The following CNTNAP2 variants were observed in gnomAD, a reference collection of about 807,000 sequenced individuals.
CNTNAP2 encodes contactin associated protein 2, also known as contactin-associated protein-like 2.
A neutral mutation model predicts 155.2 loss-of-function variants in CNTNAP2; 98 were observed. The observed-to-expected ratio is 0.63, with a 90% CI of 0.54 to 0.75. CNTNAP2 has a LOEUF of 0.75. Among genes scored for constraint, CNTNAP2 ranks in the 30% least tolerant of loss-of-function variants. CNTNAP2 has a pLI of 0.00. For synonymous variants in CNTNAP2, 651 were observed against 631.2 expected (o/e 1.03, Z -0.47); for missense variants, 1,727 against 1,688.1 (o/e 1.02, Z -0.40).
At chr7:147,322,223 CA>C (rs1171023680) in intron 9 of CNTNAP2, among the ~76,000 whole-genome samples, 2 of 152,124 alleles carry the variant, frequency 1.3e-5, no homozygotes, top group Non-Finnish European at 2.9e-5. Flanking sequence ...TTGGCTGGAA[CA>C]TATTAATGTG....
intron 8 of CNTNAP2, among the ~76,000 whole-genome samples, chr7:147,242,005 T>C (rs547740239): frequency 5.3e-4 from 80 of 152,346 alleles, no homozygotes; most frequent in Admixed American, 3.1e-3. Flanking sequence ...ATGTTCACTT[T>C]TATTTCTTCG....
intron 16 of CNTNAP2, among the ~76,000 whole-genome samples, chr7:148,130,079 G>A (rs1804799567): frequency 1.3e-5 from 2 of 152,130 alleles, no homozygotes; most frequent in African/African-American, 2.4e-5. Flanking sequence ...TCAACATATC[G>A]AAACTGAAAT....
At chr7:146,881,847 T>C (rs1294175183) in intron 3 of CNTNAP2, among the ~76,000 whole-genome samples, 1 of 151,394 alleles carries the variant, frequency 6.6e-6, no homozygotes, top group Non-Finnish European at 1.5e-5. Context: ...GGGATACATA[T>C]GCAGCTTTGC....
intron 2 of CNTNAP2, among the ~76,000 whole-genome samples, chr7:146,821,482 G>A (rs1201382940): frequency 1.3e-5 from 2 of 152,088 alleles, no homozygotes; most frequent in African/African-American, 4.8e-5. Context: ...TAAGAATGTT[G>A]AATGTTGGAG....
chr7:146,394,563 G>A (rs1485485549), intron 1 of CNTNAP2, among the ~76,000 whole-genome samples: 2 of 152,062 alleles, frequency 1.3e-5, no homozygotes, highest in African/African-American at 4.8e-5. Flanking sequence ...TTCATGACAG[G>A]TTAAGTGAAC....
chr7:146,325,133 G>A (rs1801075236), intron 1 of CNTNAP2, among the ~76,000 whole-genome samples: 1 of 151,826 alleles, frequency 6.6e-6, no homozygotes, highest in African/African-American at 2.4e-5. Context: ...GCCTCACTCT[G>A]TTGCCCAGGC....
chr7:147,810,338 C>A (rs1798160327), intron 13 of CNTNAP2, among the ~76,000 whole-genome samples: 1 of 151,830 alleles, frequency 6.6e-6, no homozygotes, highest in Non-Finnish European at 1.5e-5. Context: ...GATTTACATT[C>A]TCTGTGATCT....
chr7:147,230,339 C>A (rs1313956612), intron 8 of CNTNAP2, among the ~76,000 whole-genome samples: 1 of 152,078 alleles, frequency 6.6e-6, no homozygotes, highest in Non-Finnish European at 1.5e-5. Flanking sequence ...CTCACTGCAA[C>A]CTCCGCCTCC....
chr7:146,522,118 C>A (rs1041316799), intron 1 of CNTNAP2, among the ~76,000 whole-genome samples: 8 of 151,902 alleles, frequency 5.3e-5, no homozygotes, highest in African/African-American at 1.7e-4. Flanking sequence ...CTTTAAAGAT[C>A]GTCATTCTTC....
intron 21 of CNTNAP2, among the ~76,000 whole-genome samples, chr7:148,330,429 C>T (rs938851971): frequency 3.1e-5 from 4 of 128,622 alleles, no homozygotes; most frequent in East Asian, 2.6e-4. Context: ...ATGGAGTGGA[C>T]GGATGGAGCA....
chr7:147,394,671 A>G (rs1470610245), intron 9 of CNTNAP2, among the ~76,000 whole-genome samples: 1 of 151,908 alleles, frequency 6.6e-6, no homozygotes, highest in African/African-American at 2.4e-5. Context: ...TTTCTATCCA[A>G]TTATGCATGT....
At chr7:147,708,282 T>C (rs1487623381) in intron 13 of CNTNAP2, among the ~76,000 whole-genome samples, 1 of 152,116 alleles carries the variant, frequency 6.6e-6, no homozygotes. Flanking sequence ...CACATGAAAA[T>C]GCATGGCAGC....
chr7:147,296,066 C>G (rs1805436437), intron 8 of CNTNAP2, among the ~76,000 whole-genome samples: 1 of 152,134 alleles, frequency 6.6e-6, no homozygotes, highest in Non-Finnish European at 1.5e-5. Flanking sequence ...GTGGAATTCT[C>G]TGAAAGGCTT....
intron 13 of CNTNAP2, among the ~76,000 whole-genome samples, chr7:147,674,992 A>G (rs1315567509): frequency 3.9e-5 from 6 of 152,116 alleles, no homozygotes; most frequent in Non-Finnish European, 8.8e-5. Flanking sequence ...TTGCCAAAAC[A>G]AATCACCACA....
intron 1 of CNTNAP2, among the ~76,000 whole-genome samples, chr7:146,368,622 T>G (rs2129102292): frequency 6.6e-6 from 1 of 152,290 alleles, no homozygotes; most frequent in Middle Eastern, 3.4e-3. Flanking sequence ...CTTGATAAGC[T>G]GTATGAACCT....
intron 17 of CNTNAP2, among the ~76,000 whole-genome samples, chr7:148,166,371 T>C (rs1324259570): frequency 6.6e-6 from 1 of 152,144 alleles, no homozygotes; most frequent in African/African-American, 2.4e-5. Flanking sequence ...AATTAGATTT[T>C]ATGTGTGTGG....
intron 21 of CNTNAP2, among the ~76,000 whole-genome samples, chr7:148,332,870 C>CA (rs1302245274): frequency 2.0e-5 from 3 of 151,914 alleles, no homozygotes; most frequent in Non-Finnish European, 4.4e-5. Context: ...TATAAATCTG[C>CA]AAAAAAAGAA....
intron 11 of CNTNAP2, among the ~76,000 whole-genome samples, chr7:147,501,953 A>G (rs1386650843): frequency 7.9e-5 from 12 of 152,214 alleles, no homozygotes; most frequent in Non-Finnish European, 1.8e-4. Flanking sequence ...AAAAATTGAA[A>G]TCTTCCCACT....
At chr7:146,915,719 A>G (rs1267870920) in intron 3 of CNTNAP2, 1 of 152,106 alleles carries the variant, frequency 6.6e-6, no homozygotes, top group Non-Finnish European at 1.5e-5. Context: ...TAGGAGCTTT[A>G]TGTATGAGTC....
Sources: allele counts gnomAD v4.1 joint callset (sites outside exome capture counted in the v4.1 genomes callset), GRCh38; gene constraint gnomAD v4.1.1; transcripts MANE v1.5; gene names NCBI Gene and HGNC (gene_info 2026-07-23, HGNC 2026-07-21).